The following ATP2B2 variants were observed in gnomAD, a reference collection of about 807,000 sequenced individuals.
ATP2B2 encodes the protein plasma membrane calcium-transporting ATPase 2.
Under a neutral mutation model 120.0 loss-of-function variants are expected in ATP2B2, and 15 were observed. The ratio of observed to expected loss-of-function variants is 0.12; its 90% CI spans 0.08 to 0.19. The LOEUF is 0.19. Among genes scored for constraint, ATP2B2 ranks in the 10% least tolerant of loss-of-function variants. The pLI, the probability that ATP2B2 is intolerant of heterozygous loss-of-function variation, is 1.00. For synonymous variants in ATP2B2, 694 were observed against 700.3 expected, an observed-to-expected ratio of 0.99 and a Z score of 0.14; for missense variants, 1,045 against 1,719.8, an observed-to-expected ratio of 0.61 and a Z score of 6.94.
chr3:10,513,307 G>T lies in ATP2B2; in HGVS notation c.-320+20732C>A, dbSNP rs574306979. Among the ~76,000 whole-genome samples the T allele has an allele frequency of 9.2e-5, 14 of 152,232 alleles. No individual in the cohort carries two copies. In the East Asian group the frequency reaches 2.7e-3, roughly 29 times the overall value. On this transcript the variant is annotated intron_variant, in intron 3 of 21. Coordinates refer to the ATP2B2 transcript ENST00000646379. The stretch of plus-strand genomic sequence containing the variant: ...GTGTTGCCGACAAAGGGTGTGGCTT[G>T]TGCAAAGGCCCTGAGACTGGAAAAG...
intron 3 of ATP2B2, among the ~76,000 whole-genome samples, chr3:10,519,065 A>T (rs577354995): frequency 6.6e-6 from 1 of 152,322 alleles, no homozygotes; most frequent in South Asian, 2.1e-4. Context: ...TCTTACAACA[A>T]CCCCACAAGG....
intron 2 of ATP2B2, among the ~76,000 whole-genome samples, chr3:10,600,243 G>A (rs889692255): frequency 6.6e-6 from 1 of 152,210 alleles, no homozygotes; most frequent in African/African-American, 2.4e-5. Context: ...TGTGTCCCCA[G>A]AAGTGCCGTT....
chr3:10,345,697 C>A, intron 17 of ATP2B2, 122 bp from the exon 18 acceptor site: 1 of 936,738 alleles, frequency 1.1e-6, no homozygotes, highest in Non-Finnish European at 1.6e-6. Flanking sequence ...CCCAGCACAG[C>A]CAGACCACAC....
At chr3:10,400,844 C>T in intron 5 of ATP2B2, 109 bp downstream of exon 5, 2 of 1,543,292 alleles carry the variant, frequency 1.3e-6, no homozygotes, top group South Asian at 2.3e-5. Context: ...CTGGAGATAC[C>T]AGAGCCAAGG....
chr3:10,487,839 G>C (rs1468847698), intron 1 of ATP2B2, among the ~76,000 whole-genome samples: 1 of 152,148 alleles, frequency 6.6e-6, no homozygotes, highest in African/African-American at 2.4e-5. Context: ...ACAATAACCT[G>C]CAATGGCTCC....
chr3:10,424,554 C>T, intron 2 of ATP2B2, among the ~76,000 whole-genome samples: 1 of 152,178 alleles, frequency 6.6e-6, no homozygotes. Context: ...GTGGGTTCCT[C>T]CATTAGCATA....
intron 1 of ATP2B2, among the ~76,000 whole-genome samples, chr3:10,660,596 G>A (rs2070754193): frequency 6.6e-6 from 1 of 152,156 alleles, no homozygotes; most frequent in Non-Finnish European, 1.5e-5. Context: ...TGAAATTGAG[G>A]CAATAATTAA....
exon 1 of ATP2B2, chr3:10,707,923 G>C (rs1349504287): frequency 6.6e-6 from 1 of 152,276 alleles, no homozygotes; most frequent in Non-Finnish European, 1.5e-5. Context: ...ACCTGCGCCG[G>C]CTCCGAGAGC....
chr3:10,675,209 C>T (rs2071210990), intron 1 of ATP2B2, among the ~76,000 whole-genome samples: 1 of 152,214 alleles, frequency 6.6e-6, no homozygotes, highest in East Asian at 1.9e-4. Flanking sequence ...ACTGAGCACA[C>T]CTATGTGTCC....
chr3:10,334,522 C>T (rs1329989808), intron 22 of ATP2B2, among the ~76,000 whole-genome samples: 1 of 152,160 alleles, frequency 6.6e-6, no homozygotes, highest in Non-Finnish European at 1.5e-5. Context: ...TGTTGCCTTC[C>T]CCGAGAAATC....
Position 10,449,347 on chromosome 3 carries a change from T to C in ATP2B2, c.197A>G (p.Glu66Gly), listed in dbSNP as rs1456485863. The C allele has an allele frequency of 1.2e-5, 20 of 1,614,196 alleles. No homozygotes were observed. Among genetic ancestry groups the C allele is most frequent in the Non-Finnish European group, 1.6e-5 (19 of 1,180,018 alleles). ...GGGTTCAAGTCTTGAACACTTACCT[T>C]CAACAGGTGAGGTTTTGAGGCGCCG... ...ICRRLKTSPV[E>G]GLPGTAPDLE... The change falls in exon 2 of 23, where the codon GAA becomes GGA. Residue 66 changes from glutamate to glycine, a missense_variant and splice_region_variant. By Grantham distance (98) the Glu-to-Gly change is moderately conservative. Coordinates refer to ENST00000360273, the MANE Select transcript of ATP2B2 (RefSeq NM_001001331.4).
chr3:10,393,097 G>C (rs1157223735), intron 5 of ATP2B2, among the ~76,000 whole-genome samples: 1 of 152,206 alleles, frequency 6.6e-6, no homozygotes, highest in Non-Finnish European at 1.5e-5. Context: ...TGTGGTCCCT[G>C]CCCTCCAGGA....
chr3:10,335,879 T>C (rs1423362570), intron 22 of ATP2B2, among the ~76,000 whole-genome samples: 1 of 152,174 alleles, frequency 6.6e-6, no homozygotes, highest in Non-Finnish European at 1.5e-5. Flanking sequence ...ACCCCTTGAC[T>C]GAACCAGACT....
intron 2 of ATP2B2, among the ~76,000 whole-genome samples, chr3:10,609,836 C>T (rs1034319909): frequency 2.0e-5 from 3 of 152,186 alleles, no homozygotes; most frequent in South Asian, 2.1e-4. Context: ...GATCAATTCA[C>T]GGGGGAGTGG....
At chr3:10,349,318 G>A (rs971300286) in intron 16 of ATP2B2, among the ~76,000 whole-genome samples, 5 of 152,166 alleles carry the variant, frequency 3.3e-5, no homozygotes, top group Non-Finnish European at 7.3e-5. Context: ...ATCCAGGCAC[G>A]TTGACACATG....
intron 3 of ATP2B2, among the ~76,000 whole-genome samples, chr3:10,530,750 C>T (rs2067194676): frequency 6.6e-6 from 1 of 152,216 alleles, no homozygotes; most frequent in African/African-American, 2.4e-5. Flanking sequence ...CCCAGCAAGG[C>T]CCCTCAGATG....
chr3:10,393,744 G>A (rs1363112263), intron 5 of ATP2B2, among the ~76,000 whole-genome samples: 1 of 87,090 alleles, frequency 1.1e-5, no homozygotes, highest in African/African-American at 4.8e-5. Context: ...TGTCTGTCCT[G>A]TCCTGCCCAA....
chr3:10,382,383 G>A (rs2061556632), intron 8 of ATP2B2, among the ~76,000 whole-genome samples: 1 of 150,456 alleles, frequency 6.6e-6, no homozygotes, highest in Non-Finnish European at 1.5e-5. Flanking sequence ...GTCTCACTCT[G>A]TCTCCTAGGC....
intron 3 of ATP2B2, among the ~76,000 whole-genome samples, chr3:10,517,857 C>T (rs893711350): frequency 6.6e-6 from 1 of 152,220 alleles, no homozygotes; most frequent in Non-Finnish European, 1.5e-5. Context: ...AAGACAGACA[C>T]AGAGCTTGCT....
Sources: gnomAD v4.1 joint callset for allele counts (sites outside exome capture counted in the v4.1 genomes callset) on GRCh38, gnomAD v4.1.1 for gene constraint, MANE v1.5 for transcripts, NCBI Gene and HGNC (gene_info 2026-07-23, HGNC 2026-07-21) for gene names.